Variants in UNC13C observed in about 807,000 individuals in gnomAD.
UNC13C encodes the protein unc-13 homolog C.
In UNC13C, 174 loss-of-function variants were observed where a neutral mutation model predicts 245.4. The ratio of observed to expected loss-of-function variants is 0.71; its 90% CI spans 0.63 to 0.80. The LOEUF (loss-of-function observed/expected upper bound fraction) is 0.80. Ranked by LOEUF, UNC13C falls within the 30% of genes least tolerant of loss-of-function variation. UNC13C has a pLI of 0.00. For missense variants in UNC13C, 2,829 were observed against 2,602.9 expected, an observed-to-expected ratio of 1.09 and a Z score of -1.89; for synonymous variants, 992 against 895.1, an observed-to-expected ratio of 1.11 and a Z score of -1.93.
intron 26 of UNC13C, among the ~76,000 whole-genome samples, chr15:54,533,706 G>T (rs756364609): frequency 6.6e-6 from 1 of 152,132 alleles, no homozygotes; most frequent in Non-Finnish European, 1.5e-5. Context: ...TGAAAGTTTG[G>T]TTGGTTGCTC....
chr15:54,124,576 A>G (rs905140077), intron 2 of UNC13C, among the ~76,000 whole-genome samples: 1 of 151,992 alleles, frequency 6.6e-6, no homozygotes, highest in African/African-American at 2.4e-5. Context: ...CTTCCAGTTC[A>G]TTGCTTGTCT....
intron 2 of UNC13C, among the ~76,000 whole-genome samples, chr15:54,033,883 A>C (rs1341760608): frequency 1.3e-5 from 2 of 152,200 alleles, no homozygotes; most frequent in African/African-American, 2.4e-5. Context: ...GGCTAGAAGA[A>C]TTATGCAAAA....
intron 4 of UNC13C, among the ~76,000 whole-genome samples, chr15:54,167,621 AAAAG>A (rs1459177458): frequency 2.0e-5 from 3 of 149,260 alleles, no homozygotes; most frequent in Non-Finnish European, 3.0e-5. Flanking sequence ...AAAAAAAAAA[AAAAG>A]AAACAAAACC....
At chr15:54,323,054 T>C (rs1596218953) in intron 14 of UNC13C, among the ~76,000 whole-genome samples, 1 of 151,432 alleles carries the variant, frequency 6.6e-6, no homozygotes, top group Non-Finnish European at 1.5e-5. Context: ...TGTGGGAAGA[T>C]GATTTTTCAT....
chr15:54,552,329 A>C (rs1001086412), intron 28 of UNC13C, among the ~76,000 whole-genome samples: 1 of 122,994 alleles, frequency 8.1e-6, no homozygotes, highest in African/African-American at 3.1e-5. Flanking sequence ...ATATATAATT[A>C]TATATTATAT....
At chr15:54,314,183 C>T (rs931091178) in intron 13 of UNC13C, among the ~76,000 whole-genome samples, 1 of 151,292 alleles carries the variant, frequency 6.6e-6, no homozygotes, top group South Asian at 2.1e-4. Flanking sequence ...TCAAGGAATA[C>T]AAAATTTTAG....
chr15:53,880,331 C>T, the UNC13C span, among the ~76,000 whole-genome samples: 1 of 152,332 alleles, frequency 6.6e-6, no homozygotes, highest in Non-Finnish European at 1.5e-5. Context: ...AATCAATATT[C>T]ACACAGAATA....
At chr15:54,214,378 T>G (rs979812716) in intron 4 of UNC13C, among the ~76,000 whole-genome samples, 9 of 151,946 alleles carry the variant, frequency 5.9e-5, no homozygotes, top group African/African-American at 2.2e-4. Flanking sequence ...GATGTGTCTT[T>G]AGTCTGAGCT....
At chr15:54,314,944 G>A (rs1276147624) in intron 13 of UNC13C, among the ~76,000 whole-genome samples, 1 of 147,646 alleles carries the variant, frequency 6.8e-6, no homozygotes, top group Non-Finnish European at 1.5e-5. Context: ...CAGGTACAAA[G>A]TATTTTTTTT....
chr15:54,195,928 T>A (rs1235016378), intron 4 of UNC13C, among the ~76,000 whole-genome samples: 1 of 152,052 alleles, frequency 6.6e-6, no homozygotes, highest in Non-Finnish European at 1.5e-5. Context: ...CACAACTGTG[T>A]CTTATTCTGT....
intron 2 of UNC13C, among the ~76,000 whole-genome samples, chr15:54,092,176 G>A (rs1899609543): frequency 6.6e-6 from 1 of 152,114 alleles, no homozygotes; most frequent in South Asian, 2.1e-4. Flanking sequence ...AGGCTCCTTA[G>A]CTGGGGCTGC....
At chr15:54,142,687 C>T (rs185557207) in intron 2 of UNC13C, among the ~76,000 whole-genome samples, 1 of 152,254 alleles carries the variant, frequency 6.6e-6, no homozygotes, top group East Asian at 1.9e-4. Flanking sequence ...AGTTTGGTAG[C>T]TTATCCAATG....
chr15:54,511,786 C>A lies in UNC13C; in HGVS notation c.5413C>A (p.Arg1805=). Residue 1805 remains arginine, a synonymous_variant, in exon 24 of 33, where the codon CGG becomes AGG. Transcript: ENST00000260323. ...CTTGATGAACAATATTCAACAATTGCGGGTCCAGCTGGAAAAAATGTTTGA... is the reference window on the plus strand; with the variant it reads ...CTTGATGAACAATATTCAACAATTGAGGGTCCAGCTGGAAAAAATGTTTGA... ...CILMNNIQQL[R]VQLEKMFESM... is the part of the protein sequence containing the mutation. 1 of 1,609,266 alleles carries A rather than the reference C, an allele frequency of 6.2e-7. No individual in the cohort carries two copies. The highest frequency in any genetic ancestry group is 1.1e-5 in the South Asian group (1 of 90,064).
At chr15:54,500,726 A>G in intron 21 of UNC13C, 109 bp from the exon 22 acceptor site, 2 of 850,968 alleles carry the variant, frequency 2.4e-6, no homozygotes, top group South Asian at 3.8e-5. Flanking sequence ...TTACTGGGAA[A>G]TGTAAATATG....
chr15:53,984,276 G>C (rs1399254462), intron 1 of UNC13C, among the ~76,000 whole-genome samples: 2 of 151,670 alleles, frequency 1.3e-5, no homozygotes, highest in Non-Finnish European at 2.9e-5. Flanking sequence ...TCCAATCTCT[G>C]CCCCAATTAG....
At chr15:54,122,030 C>G (rs1264596930) in intron 2 of UNC13C, among the ~76,000 whole-genome samples, 1 of 152,060 alleles carries the variant, frequency 6.6e-6, no homozygotes, top group African/African-American at 2.4e-5. Flanking sequence ...TTTTAATAGG[C>G]TGTCTATAGG....
chr15:54,045,609 T>C (rs903184761), intron 2 of UNC13C, among the ~76,000 whole-genome samples: 19 of 152,208 alleles, frequency 1.2e-4, no homozygotes, highest in Non-Finnish European at 2.6e-4. Flanking sequence ...TGGTGAGTCA[T>C]ACCAATGGGG....
At position 54,199,383 on chromosome 15, in the gene UNC13C, A is replaced by G. The variant is rs968877818; in HGVS notation, c.3072-35647A>G. Among the ~76,000 whole-genome samples the G allele has an allele frequency of 1.1e-4, 17 of 152,150 alleles. 1 individual carries two copies. The highest frequency in any genetic ancestry group is 2.0e-4 in the Admixed American group (3 of 15,262). On this transcript the variant is annotated intron_variant, in intron 4 of 32. Transcript: ENST00000260323. The stretch of plus-strand genomic sequence containing the variant: ...TGTAAAATGATTATCCCCTAGGCAC[A>G]TAGTCATCAGGTTATCTGAAGTCTA...
intron 17 of UNC13C, among the ~76,000 whole-genome samples, chr15:54,383,710 A>T (rs938460281): frequency 2.0e-5 from 3 of 152,142 alleles, no homozygotes; most frequent in Non-Finnish European, 4.4e-5. Context: ...CACCAAAATT[A>T]GAAGAGAGTC....
Sources: gnomAD v4.1 joint callset for allele counts (sites outside exome capture counted in the v4.1 genomes callset) on GRCh38, gnomAD v4.1.1 for gene constraint, MANE v1.5 for transcripts, NCBI Gene and HGNC (gene_info 2026-07-23, HGNC 2026-07-21) for gene names.